CMIP: variants seen among roughly 807,000 people sequenced by gnomAD.
CMIP encodes the protein c-Maf inducing protein.
CMIP carries 13 observed loss-of-function variants against 97.3 expected under a neutral mutation model. The ratio of observed to expected loss-of-function variants is 0.13; its 90% CI spans 0.09 to 0.21. The LOEUF (loss-of-function observed/expected upper bound fraction) is 0.21. Ranked by LOEUF, CMIP falls within the 10% of genes least tolerant of loss-of-function variation. The probability of loss-of-function intolerance (pLI) is 1.00; values close to 1 mark genes in which losing one functional copy is unlikely to be tolerated. For synonymous variants in CMIP, 538 were observed against 436.3 expected (o/e 1.23, Z -2.91); for missense variants, 847 against 1,024.9 (o/e 0.83, Z 2.37).
At chr16:81,509,293 TGG>T (rs2089767398) in intron 1 of CMIP, among the ~76,000 whole-genome samples, 1 of 152,296 alleles carries the variant, frequency 6.6e-6, no homozygotes, top group East Asian at 1.9e-4. Context: ...ACCACCCAGC[TGG>T]AGAGCCCACC....
At chr16:81,670,678 T>G (rs1003873185) in intron 8 of CMIP, among the ~76,000 whole-genome samples, 28 of 150,642 alleles carry the variant, frequency 1.9e-4, no homozygotes, top group African/African-American at 6.8e-4. Context: ...CTCTCGGTGC[T>G]CCAGTTTCCT....
Position 81,453,391 on chromosome 16 carries a change from G to A in CMIP, c.300+7850G>A, listed in dbSNP as rs574731684. On this transcript the variant is annotated intron_variant, in intron 1 of 20. Coordinates refer to ENST00000537098, the MANE Select transcript of CMIP (RefSeq NM_198390.3). This position sits in a 1 kb window ranked among gnomAD's most constrained non-coding sequence, Gnocchi z 4.0. ...CCTTGGGCTGGGCTGGCTGCATCCA[G>A]CTCAGGTGGGGTCATATGGAGAAGG... 2.8e-4 allele frequency among the ~76,000 whole-genome samples: 42 copies of A among 152,230 alleles called. No homozygotes were observed. Among genetic ancestry groups the A allele is most frequent in the Non-Finnish European group, 4.4e-5 (3 of 68,042 alleles).
chr16:81,641,416 C>G (rs528079135), intron 3 of CMIP, among the ~76,000 whole-genome samples: 3 of 152,058 alleles, frequency 2.0e-5, no homozygotes, highest in Non-Finnish European at 4.4e-5. Flanking sequence ...CAGCTACATA[C>G]AATTTTTTTT....
intron 1 of CMIP, among the ~76,000 whole-genome samples, chr16:81,515,562 A>C (rs148628004): frequency 2.3e-3 from 344 of 152,292 alleles, no homozygotes; most frequent in African/African-American, 8.0e-3. Flanking sequence ...CGTCAGCCCA[A>C]GAGCATCGTT....
chr16:81,568,039 G>GTGTGTTTTT (rs10629229), intron 1 of CMIP, among the ~76,000 whole-genome samples: 5 of 82,532 alleles, frequency 6.1e-5, no homozygotes, highest in South Asian at 5.9e-4. Flanking sequence ...GTGTGTGTGT[G>GTGTGTTTTT]TTTTTTTTTT....
chr16:81,506,809 G>A (rs1205484960), intron 1 of CMIP, among the ~76,000 whole-genome samples: 1 of 151,890 alleles, frequency 6.6e-6, no homozygotes, highest in Admixed American at 6.6e-5. Flanking sequence ...GGAGGCTGAG[G>A]CAGGAGAATC....
In CMIP at chr16:81,668,888, C is replaced by T. The variant is rs146518787; in HGVS notation, c.826-1254C>T. Among the ~76,000 whole-genome samples the T allele has an allele frequency of 3.0e-3, 437 of 146,590 alleles. 4 individuals carry two copies. The highest frequency in any genetic ancestry group is 0.01 in the African/African-American group (411 of 39,416). ...CACCCACCTCACACTCATTGCCTTC[C>T]GTACCCACCTCACACCTTCCACACC... On this transcript the variant is annotated intron_variant, in intron 7 of 20. Transcript: ENST00000537098.
chr16:81,704,858 T>C (rs1239728453), intron 18 of CMIP, among the ~76,000 whole-genome samples: 1 of 150,840 alleles, frequency 6.6e-6, no homozygotes, highest in Non-Finnish European at 1.5e-5. Context: ...TGCAGCCCAT[T>C]TCCCATTTGG....
chr16:81,573,740 C>G (rs1357513481), intron 1 of CMIP, among the ~76,000 whole-genome samples: 1 of 152,110 alleles, frequency 6.6e-6, no homozygotes, highest in African/African-American at 2.4e-5. Flanking sequence ...GTAAAATGGG[C>G]CTTGTTGTCA....
intron 1 of CMIP, among the ~76,000 whole-genome samples, chr16:81,565,324 G>C (rs1225141238): frequency 6.6e-6 from 1 of 152,184 alleles, no homozygotes; most frequent in Non-Finnish European, 1.5e-5. Flanking sequence ...CTCTCTCCCT[G>C]TTCCAGATGC....
chr16:81,588,784 C>A (rs143548667), intron 1 of CMIP, among the ~76,000 whole-genome samples: 6 of 152,264 alleles, frequency 3.9e-5, no homozygotes, highest in African/African-American at 1.4e-4. Flanking sequence ...CTGTGCTGTA[C>A]ACGCTGACAT....
intron 1 of CMIP, among the ~76,000 whole-genome samples, chr16:81,480,329 C>A (rs756254212): frequency 1.3e-5 from 2 of 152,170 alleles, no homozygotes; most frequent in Non-Finnish European, 2.9e-5. Flanking sequence ...CACCTGAGGT[C>A]AGGAGTTTGA....
chr16:81,677,961 G>A (rs565638897), intron 9 of CMIP, among the ~76,000 whole-genome samples: 46 of 152,384 alleles, frequency 3.0e-4, no homozygotes, highest in African/African-American at 1.1e-3. Flanking sequence ...CCTTATGGCT[G>A]TCACGTGAAG....
At chr16:81,482,051 G>A (rs1238713351) in intron 1 of CMIP, among the ~76,000 whole-genome samples, 2 of 152,044 alleles carry the variant, frequency 1.3e-5, no homozygotes, top group African/African-American at 4.8e-5. Context: ...GCTAATTTTT[G>A]TATTTTTAGC....
At chr16:81,520,257 C>T (rs1420181539) in intron 1 of CMIP, 1 of 152,204 alleles carries the variant, frequency 6.6e-6, no homozygotes, top group African/African-American at 2.4e-5. Context: ...AGCCAAGTTA[C>T]TTCATCTGTC....
chr16:81,501,161 G>C (rs560883357), intron 1 of CMIP, among the ~76,000 whole-genome samples: 7 of 152,354 alleles, frequency 4.6e-5, no homozygotes, highest in African/African-American at 1.4e-4. Context: ...GCAGTAATTT[G>C]TGTTGGTGAA....
chr16:81,461,958 A>T (rs536973440), intron 1 of CMIP, among the ~76,000 whole-genome samples: 2 of 152,206 alleles, frequency 1.3e-5, no homozygotes, highest in African/African-American at 4.8e-5. Flanking sequence ...GGCAGTTCTC[A>T]TGGAGCTGGC....
chr16:81,446,938 T>A (rs1337148713), intron 1 of CMIP, among the ~76,000 whole-genome samples: 1 of 149,640 alleles, frequency 6.7e-6, no homozygotes, highest in Non-Finnish European at 1.5e-5. Flanking sequence ...TTCTCTTTCC[T>A]GTGGGCACGT....
chr16:81,649,839 A>G (rs2092407078), intron 3 of CMIP, among the ~76,000 whole-genome samples: 1 of 152,168 alleles, frequency 6.6e-6, no homozygotes, highest in African/African-American at 2.4e-5. Context: ...GGTCTTTTAA[A>G]AATTAAACAA....
Sources: allele counts gnomAD v4.1 joint callset (sites outside exome capture counted in the v4.1 genomes callset), GRCh38; gene constraint gnomAD v4.1.1; non-coding constraint Gnocchi (gnomAD v3.1); transcripts MANE v1.5; gene names NCBI Gene and HGNC (gene_info 2026-07-23, HGNC 2026-07-21).